Variants in EPB41L3 observed in about 807,000 individuals in gnomAD.
The protein encoded by EPB41L3 is band 4.1-like protein 3.
Under a neutral mutation model 127.1 loss-of-function variants are expected in EPB41L3, and 57 were observed. That is an observed-to-expected ratio of 0.45 (90% confidence interval 0.36 to 0.56). The LOEUF (loss-of-function observed/expected upper bound fraction) is 0.56. Among genes scored for constraint, EPB41L3 ranks in the 20% least tolerant of loss-of-function variants. The probability of loss-of-function intolerance (pLI) is 0.00; values close to 1 mark genes in which losing one functional copy is unlikely to be tolerated. For missense variants in EPB41L3, 1,273 were observed against 1,372.2 expected, an observed-to-expected ratio of 0.93 and a Z score of 1.14; for synonymous variants, 572 against 549.5, an observed-to-expected ratio of 1.04 and a Z score of -0.57.
At chr18:5,460,846 C>T (rs371226974) in intron 3 of EPB41L3, among the ~76,000 whole-genome samples, 1 of 152,184 alleles carries the variant, frequency 6.6e-6, no homozygotes, top group African/African-American at 2.4e-5. Flanking sequence ...TGGCTTCCTA[C>T]TCTCATTTTC....
intron 1 of EPB41L3, among the ~76,000 whole-genome samples, chr18:5,510,828 T>A (rs1352463724): frequency 1.3e-5 from 2 of 152,156 alleles, no homozygotes; most frequent in Admixed American, 1.3e-4. Flanking sequence ...CCCATCACCC[T>A]CAAATTTTAT....
At chr18:5,607,698 C>T (rs1470669844) in intron 3 of EPB41L3, among the ~76,000 whole-genome samples, 1 of 152,172 alleles carries the variant, frequency 6.6e-6, no homozygotes, top group Non-Finnish European at 1.5e-5. Flanking sequence ...TTTATACCAT[C>T]AGGTGCAAAG....
chr18:5,415,689 T>C, intron 13 of EPB41L3, 129 bp downstream of exon 13: 1 of 1,015,454 alleles, frequency 9.8e-7, no homozygotes, highest in Non-Finnish European at 1.4e-6. Flanking sequence ...CACAGAAACC[T>C]CAACATATTG....
intron 1 of EPB41L3, among the ~76,000 whole-genome samples, chr18:5,500,290 C>A (rs1446790454): frequency 2.0e-5 from 3 of 152,166 alleles, no homozygotes; most frequent in Middle Eastern, 3.2e-3. Context: ...AAAAAGATAT[C>A]TTTGGCACCT....
intron 1 of EPB41L3, among the ~76,000 whole-genome samples, chr18:5,500,213 G>C (rs1297511942): frequency 2.0e-5 from 3 of 152,148 alleles, no homozygotes; most frequent in African/African-American, 7.2e-5. Context: ...CAAAAGAGGA[G>C]AGAGAAAAAG....
At chr18:5,547,860 A>G (rs966792158), upstream of EPB41L3, among the ~76,000 whole-genome samples, 5 of 152,246 alleles carry the variant, frequency 3.3e-5, no homozygotes, top group Admixed American at 3.3e-4. Flanking sequence ...AGTTGTATTG[A>G]CAGCCATGTT....
In EPB41L3 at chr18:5,415,970, T is replaced by G. The variant is rs777230071; in HGVS notation, c.1915A>C (p.Ile639Leu). ...GAGGCAGACAGCAGAAAGAAAAAGATGAAGAGGAAACAGGGCACAAGGGAC... is the reference window on the plus strand; with the variant it reads ...GAGGCAGACAGCAGAAAGAAAAAGAGGAAGAGGAAACAGGGCACAAGGGAC... ...SPSLVPCFLF[I>L]FFFLLSASFS... Residue 639 changes from isoleucine to leucine, a missense_variant, in exon 13 of 23, where the codon ATC becomes CTC. Coordinates refer to ENST00000341928, the MANE Select transcript of EPB41L3 (RefSeq NM_012307.5). 1.2e-5 allele frequency: 20 copies of G among 1,613,884 alleles called. No homozygotes were observed. The highest frequency in any genetic ancestry group is 1.6e-4 in the Middle Eastern group (1 of 6,062).
chr18:5,506,896 T>C (rs1322133436), intron 1 of EPB41L3, among the ~76,000 whole-genome samples: 2 of 152,200 alleles, frequency 1.3e-5, no homozygotes, highest in East Asian at 3.9e-4. Context: ...ATAGGTAATT[T>C]CTGGGCAAAA....
chr18:5,628,469 C>G (rs1188556404), intron 1 of EPB41L3, among the ~76,000 whole-genome samples: 1 of 152,192 alleles, frequency 6.6e-6, no homozygotes, highest in African/African-American at 2.4e-5. Flanking sequence ...GGGTTGGGTC[C>G]GCCTGGCCTC....
At chr18:5,487,780 G>C (rs1390340492) in intron 2 of EPB41L3, among the ~76,000 whole-genome samples, 1 of 145,490 alleles carries the variant, frequency 6.9e-6, no homozygotes, top group Non-Finnish European at 1.5e-5. Flanking sequence ...TTTTTAATAA[G>C]TATAAAATTG....
chr18:5,478,531 A>G (rs1364088499), intron 2 of EPB41L3, 93 bp from the exon 3 acceptor site: 1 of 1,119,890 alleles, frequency 8.9e-7, no homozygotes, highest in East Asian at 2.4e-5. Context: ...TTTCTATTTC[A>G]TAGAGGAGAG....
intron 11 of EPB41L3, 29 bp from the exon 12 acceptor site, chr18:5,419,906 T>C (rs2077263398): frequency 6.2e-7 from 1 of 1,613,916 alleles, no homozygotes; most frequent in Admixed American, 1.7e-5. Flanking sequence ...CCTTCATGTA[T>C]ATTTCATGGT....
chr18:5,493,339 G>A (rs182742955), intron 1 of EPB41L3, among the ~76,000 whole-genome samples: 151 of 152,170 alleles, frequency 9.9e-4, no homozygotes, highest in Middle Eastern at 3.4e-3. Context: ...AAACGTCTTC[G>A]TACCATTTAC....
At chr18:5,471,444 C>A (rs955188775) in intron 3 of EPB41L3, among the ~76,000 whole-genome samples, 2 of 152,200 alleles carry the variant, frequency 1.3e-5, no homozygotes, top group African/African-American at 2.4e-5. Context: ...GAACTTCAAG[C>A]AAGTCAACTG....
At chr18:5,597,104 T>G (rs1044772781) in intron 3 of EPB41L3, among the ~76,000 whole-genome samples, 1 of 152,150 alleles carries the variant, frequency 6.6e-6, no homozygotes, top group Non-Finnish European at 1.5e-5. Context: ...AAGACTGGCT[T>G]GGACCAAATT....
At chr18:5,590,093 G>C (rs545430736) in intron 3 of EPB41L3, among the ~76,000 whole-genome samples, 1 of 152,276 alleles carries the variant, frequency 6.6e-6, no homozygotes, top group African/African-American at 2.4e-5. Context: ...GAGAAAATGG[G>C]AGAAAGAAGA....
chr18:5,435,417 A>G (rs1230815430), intron 6 of EPB41L3, among the ~76,000 whole-genome samples: 1 of 152,210 alleles, frequency 6.6e-6, no homozygotes, highest in Non-Finnish European at 1.5e-5. Flanking sequence ...ACACAGGTGT[A>G]CCATTAAGAA....
At chr18:5,622,900 T>A (rs944165716) in intron 1 of EPB41L3, among the ~76,000 whole-genome samples, 3 of 152,056 alleles carry the variant, frequency 2.0e-5, no homozygotes, top group Non-Finnish European at 2.9e-5. Context: ...CATGTTTGTT[T>A]TTATACTGAA....
intron 16 of EPB41L3, among the ~76,000 whole-genome samples, chr18:5,401,338 G>C (rs570470934): frequency 1.3e-5 from 2 of 152,198 alleles, no homozygotes; most frequent in South Asian, 4.1e-4. Context: ...CAAACACAGA[G>C]CATACAAGAA....
Sources: allele counts gnomAD v4.1 joint callset (sites outside exome capture counted in the v4.1 genomes callset), GRCh38; gene constraint gnomAD v4.1.1; transcripts MANE v1.5; gene names NCBI Gene and HGNC (gene_info 2026-07-23, HGNC 2026-07-21).